The following DMXL1 variants were observed in gnomAD, a reference collection of about 807,000 sequenced individuals.
DMXL1 encodes the protein Dmx like 1, also known as dmX-like protein 1.
A neutral mutation model predicts 319.2 loss-of-function variants in DMXL1; 99 were observed. The ratio of observed to expected loss-of-function variants is 0.31; its 90% CI spans 0.26 to 0.37. DMXL1 has a LOEUF of 0.37. DMXL1 is among the 10% of genes least tolerant of loss of function. DMXL1 has a pLI of 1.00. For missense variants in DMXL1, 3,745 were observed against 3,595.6 expected, an observed-to-expected ratio of 1.04 and a Z score of -1.06; for synonymous variants, 1,385 against 1,235.2, an observed-to-expected ratio of 1.12 and a Z score of -2.54.
chr5:119,116,640 A>G (rs577028901), intron 7 of DMXL1, among the ~76,000 whole-genome samples: 6 of 152,000 alleles, frequency 3.9e-5, no homozygotes, highest in South Asian at 2.1e-4. Context: ...TCTGTCATCT[A>G]TTTTCTCCAG....
intron 13 of DMXL1, among the ~76,000 whole-genome samples, chr5:119,142,591 G>A (rs1321517262): frequency 1.3e-5 from 2 of 151,632 alleles, no homozygotes; most frequent in African/African-American, 4.8e-5. Flanking sequence ...GTTGATGGGA[G>A]TGTAAATTAA....
chr5:119,189,610 G>A, intron 28 of DMXL1, 98 bp from the exon 29 acceptor site: 1 of 1,059,798 alleles, frequency 9.4e-7, no homozygotes, highest in Non-Finnish European at 1.4e-6. Flanking sequence ...TTTTTTGTGT[G>A]TGCTTATTTG....
chr5:119,232,803 G>GTC (rs2150682791), intron 38 of DMXL1, among the ~76,000 whole-genome samples: 1 of 148,178 alleles, frequency 6.7e-6, no homozygotes, highest in East Asian at 2.0e-4. Context: ...GCAAGACCCT[G>GTC]TCTCTAAAAA....
intron 4 of DMXL1, 92 bp downstream of exon 4, chr5:119,105,350 T>A: frequency 9.8e-7 from 1 of 1,017,172 alleles, no homozygotes. Flanking sequence ...TTCTGCTGGG[T>A]GTGAGGTTGT....
At chr5:119,162,971 T>C (rs1772590739) in intron 19 of DMXL1, among the ~76,000 whole-genome samples, 1 of 152,192 alleles carries the variant, frequency 6.6e-6, no homozygotes, top group African/African-American at 2.4e-5. Flanking sequence ...CAAAGCCACA[T>C]GCTATAATTA....
At chr5:119,167,524 A>C in intron 22 of DMXL1, 79 bp from the exon 23 acceptor site, 4 of 1,146,590 alleles carry the variant, frequency 3.5e-6, no homozygotes, top group Non-Finnish European at 4.9e-6. Context: ...ATATTTTTCT[A>C]GTTATTAGTG....
intron 1 of DMXL1, among the ~76,000 whole-genome samples, chr5:119,073,981 C>T (rs1302684885): frequency 6.6e-6 from 1 of 151,622 alleles, no homozygotes; most frequent in East Asian, 1.9e-4. Flanking sequence ...TGCAATGGCG[C>T]GATCTTAGCT....
chr5:119,205,007 C>T (rs568402756), intron 33 of DMXL1, among the ~76,000 whole-genome samples: 2 of 152,160 alleles, frequency 1.3e-5, no homozygotes, highest in East Asian at 3.9e-4. Context: ...TACTATTTGC[C>T]TCATTTTGTA....
At chr5:119,239,160 T>C (rs1326376772) in intron 41 of DMXL1, 80 bp downstream of exon 41, 5 of 1,422,534 alleles carry the variant, frequency 3.5e-6, no homozygotes, top group Non-Finnish European at 3.9e-6. Context: ...TGTGTTTGAC[T>C]AAAGTTTACT....
At position 119,247,112 on chromosome 5, in the gene DMXL1, C is replaced by T; in HGVS notation, c.9040C>T (p.His3014Tyr). The T allele has an allele frequency of 6.2e-7, 1 of 1,614,106 alleles. No individual in the cohort carries two copies. Residue 3014 changes from histidine to tyrosine, a missense_variant, in exon 44 of 44, where the codon CAC becomes TAC. Coordinates refer to ENST00000539542, the MANE Select transcript of DMXL1 (RefSeq NM_001290321.3). ...GCAAATTGAGACAGGGCCTGCAAAT[C>T]ACATTTTCTCCTGTGGAGCTGATGG... ...VMQIETGPAN[H>Y]IFSCGADGTM... is the part of the protein sequence containing the mutation.
At chr5:119,071,048 C>T (rs945546177), upstream of DMXL1, among the ~76,000 whole-genome samples, 1 of 152,136 alleles carries the variant, frequency 6.6e-6, no homozygotes. Flanking sequence ...TAGCAGCTGC[C>T]CCGAGCGAAG....
intron 19 of DMXL1, among the ~76,000 whole-genome samples, chr5:119,154,919 A>G (rs1770665000): frequency 6.6e-6 from 1 of 152,198 alleles, no homozygotes; most frequent in African/African-American, 2.4e-5. Flanking sequence ...CATTCTGAAA[A>G]TCCTAGAGTG....
At chr5:119,163,695 T>C (rs1268350136) in intron 19 of DMXL1, among the ~76,000 whole-genome samples, 1 of 152,208 alleles carries the variant, frequency 6.6e-6, no homozygotes, top group Non-Finnish European at 1.5e-5. Context: ...TTCACGCCAT[T>C]CTCCTGCGTC....
chr5:119,122,058 C>A (rs1331399468), intron 9 of DMXL1, among the ~76,000 whole-genome samples: 24 of 146,222 alleles, frequency 1.6e-4, no homozygotes, highest in Non-Finnish European at 3.5e-4. Context: ...CAACCTCCCT[C>A]CCGGTCGGGG....
intron 10 of DMXL1, among the ~76,000 whole-genome samples, chr5:119,131,519 T>C (rs1764893657): frequency 6.6e-6 from 1 of 152,192 alleles, no homozygotes. Flanking sequence ...ACTTTAGAGA[T>C]AAAGTACAAA....
chr5:119,133,708 C>A lies in DMXL1; in HGVS notation c.1784C>A (p.Pro595His). The change falls in exon 12 of 44, where the codon CCT becomes CAT. Residue 595 changes from proline (P) to histidine (H), a missense_variant. Physicochemically the swap from Pro to His is moderately conservative, Grantham distance 77. Transcript: ENST00000539542. ...AGTTTAAAATTAAGTATTTTTACGC[C>A]TAATGTTATGATGATATCAAAACAT... ...SNSLKLSIFT[P>H]NVMMISKHAD... 6.2e-7 allele frequency: 1 copy of A among 1,614,146 alleles called. No individual in the cohort carries two copies. Among genetic ancestry groups the A allele is most frequent in the Non-Finnish European group, 8.5e-7 (1 of 1,180,010 alleles).
chr5:119,166,917 T>G (rs1693934546), intron 22 of DMXL1, 136 bp downstream of exon 22: 2 of 660,802 alleles, frequency 3.0e-6, no homozygotes, highest in East Asian at 3.0e-5. Context: ...ACTGTTAATA[T>G]TTAATAAAGA....
Position 119,149,116 on chromosome 5 carries a change from A to G in DMXL1, c.3289A>G (p.Ile1097Val), listed in dbSNP as rs150798288. The G allele has an allele frequency of 1.1e-5, 18 of 1,613,862 alleles. No homozygotes were observed. Among genetic ancestry groups the G allele is most frequent in the African/African-American group, 5.3e-5 (4 of 74,900 alleles). Reference protein sequence around the residue: ...GGSCWVLEQTIHLDELSTVLD... With the variant: ...GGSCWVLEQTVHLDELSTVLD... The stretch of plus-strand genomic sequence containing the variant: ...TTCATGTTGGGTCCTTGAGCAGACA[A>G]TTCATTTAGATGAGTTAAGCACAGT... Residue 1097 changes from isoleucine (I) to valine (V), a missense_variant, in exon 18 of 44, where the codon ATT becomes GTT. Physicochemically the swap from Ile to Val is conservative, Grantham distance 29 (BLOSUM62 3). This residue lies in a region of DMXL1 where 2,096 missense variants were observed against 1,985.4 expected (regional missense o/e 1.06). Transcript: ENST00000539542.
intron 6 of DMXL1, among the ~76,000 whole-genome samples, chr5:119,115,351 A>G (rs1760605170): frequency 6.6e-6 from 1 of 152,162 alleles, no homozygotes; most frequent in Admixed American, 6.5e-5. Flanking sequence ...ACTAGTAACC[A>G]TTTCTTTAGT....
Sources: gnomAD v4.1 joint callset for allele counts (sites outside exome capture counted in the v4.1 genomes callset) on GRCh38, gnomAD v4.1.1 for gene constraint, gnomAD v4.1.1 regional missense constraint, MANE v1.5 for transcripts, NCBI Gene and HGNC (gene_info 2026-07-23, HGNC 2026-07-21) for gene names.